The following HHLA1 variants were observed in gnomAD, a reference collection of about 807,000 sequenced individuals.
HHLA1 encodes HERV-H LTR-associating protein 1.
Under a neutral mutation model 69.9 loss-of-function variants are expected in HHLA1, and 72 were observed. The observed-to-expected ratio is 1.03, with a 90% CI of 0.85 to 1.25. HHLA1 has a LOEUF of 1.25. Among genes scored for constraint, HHLA1 ranks in the 50% most tolerant of loss-of-function variants. The pLI is 0.00. For missense variants in HHLA1, 685 were observed against 642.2 expected (o/e 1.07, Z -0.72); for synonymous variants, 252 against 233.2 (o/e 1.08, Z -0.73).
At chr8:132,070,725 T>C (rs894252990) in intron 15 of HHLA1, among the ~76,000 whole-genome samples, 2 of 149,186 alleles carry the variant, frequency 1.3e-5, no homozygotes, top group African/African-American at 5.0e-5. Flanking sequence ...ACTCACCTCA[T>C]CTCAACTCAA....
At chr8:132,079,237 C>A (rs1000623878) in intron 11 of HHLA1, among the ~76,000 whole-genome samples, 2 of 152,226 alleles carry the variant, frequency 1.3e-5, no homozygotes, top group Admixed American at 6.5e-5. Context: ...TTAACATATT[C>A]TTGGCATCAT....
chr8:132,070,521 C>A, intron 15 of HHLA1: 1 of 620,230 alleles, frequency 1.6e-6, no homozygotes, highest in Non-Finnish European at 2.9e-6. Context: ...CACAAGTTAA[C>A]TTAACTCAAC....
intron 7 of HHLA1, among the ~76,000 whole-genome samples, chr8:132,092,800 C>T (rs1232299536): frequency 6.6e-6 from 1 of 152,194 alleles, no homozygotes; most frequent in Non-Finnish European, 1.5e-5. Context: ...GACTAATACA[C>T]TTTCCAAATC....
At chr8:132,071,278 G>A in intron 15 of HHLA1, 62 bp downstream of exon 15, 1 of 1,455,122 alleles carries the variant, frequency 6.9e-7, no homozygotes, top group Non-Finnish European at 9.3e-7. Context: ...CTGCAGAAAA[G>A]CCACACGGAA....
intron 15 of HHLA1, among the ~76,000 whole-genome samples, chr8:132,070,987 T>G (rs1823529920): frequency 6.6e-6 from 1 of 151,876 alleles, no homozygotes; most frequent in South Asian, 2.1e-4. Flanking sequence ...ACAGCTTAAG[T>G]CATCTCAACT....
At chr8:132,083,884 AG>A (rs1165906648) in intron 10 of HHLA1, among the ~76,000 whole-genome samples, 38 of 152,148 alleles carry the variant, frequency 2.5e-4, no homozygotes, top group Admixed American at 2.5e-3. Context: ...GTGGGGTTTG[AG>A]GGCCGGAATT....
At chr8:132,071,639 T>C in intron 14 of HHLA1, 146 bp from the exon 15 acceptor site, 1 of 704,838 alleles carries the variant, frequency 1.4e-6, no homozygotes, top group Non-Finnish European at 2.3e-6. Context: ...TTCCTCACCA[T>C]TACCCAATAA....
intron 10 of HHLA1, among the ~76,000 whole-genome samples, chr8:132,083,838 T>C (rs1230129262): frequency 6.6e-6 from 1 of 152,180 alleles, no homozygotes; most frequent in East Asian, 1.9e-4. Flanking sequence ...TTTCTATTAT[T>C]GTACACCTTG....
At position 132,063,936 on chromosome 8, in the gene HHLA1, C is replaced by G. The variant is rs1823393094; in HGVS notation, c.*59G>C. ...AATGTAGCCCACTTGGGACAAGAGC[C>G]AGGGTGGATGGCGTATCCCCTGAAG... On this transcript the variant is annotated 3_prime_UTR_variant, in exon 17 of 17. Coordinates refer to ENST00000414222, the MANE Select transcript of HHLA1 (RefSeq NM_001145095.3). 1.0e-6 allele frequency: 1 copy of G among 953,080 alleles called. No homozygotes were observed. Among genetic ancestry groups the G allele is most frequent in the African/African-American group, 1.7e-5 (1 of 58,886 alleles). 59.0% of individuals were successfully genotyped at this position (953,080 alleles called of 1,614,324 possible).
chr8:132,073,411 A>T (rs1409074798), intron 14 of HHLA1, among the ~76,000 whole-genome samples: 1 of 152,200 alleles, frequency 6.6e-6, no homozygotes, highest in African/African-American at 2.4e-5. Flanking sequence ...AATTTCCATC[A>T]ATGTGCCCAT....
intron 14 of HHLA1, among the ~76,000 whole-genome samples, chr8:132,074,115 C>A (rs16904584): frequency 0.088 from 13,411 of 152,254 alleles, 1,131 homozygotes; most frequent in African/African-American, 0.21. Flanking sequence ...ACACTACCCT[C>A]ACTTTCAGCA....
In HHLA1 at chr8:132,077,912, T is replaced by G. The variant is rs1267528638; in HGVS notation, c.985A>C (p.Ile329Leu). The change falls in exon 12 of 17, where the codon ATA (isoleucine) becomes CTA (leucine). Residue 329 changes from isoleucine (I) to leucine (L), a missense_variant. Coordinates refer to ENST00000414222, the MANE Select transcript of HHLA1 (RefSeq NM_001145095.3). ...LTADRQTWAS[I>L]SSVPWAQTIS... The stretch of plus-strand genomic sequence containing the variant: ...GTCTGAGCCCAGGGCACGGACGATA[T>G]GGAAGCCCACGTCTGTCTGTCAGCT... 6.4e-7 allele frequency: 1 copy of G among 1,551,564 alleles called. No individual in the cohort carries two copies. Among genetic ancestry groups the G allele is most frequent in the South Asian group, 1.2e-5 (1 of 84,062 alleles).
chr8:132,085,399 G>A (rs958236401), intron 10 of HHLA1: 57 of 367,866 alleles, frequency 1.5e-4, no homozygotes, highest in African/African-American at 6.2e-4. Flanking sequence ...AAAAGAGGCC[G>A]CTTACCGGAT....
In HHLA1 at chr8:132,094,777, G is replaced by T. The variant is rs189691361; in HGVS notation, c.448+742C>A. Among the ~76,000 whole-genome samples, 518 of 152,268 alleles carry T rather than the reference G, an allele frequency of 3.4e-3. 2 individuals carry two copies. The highest frequency in any genetic ancestry group is 0.012 in the African/African-American group (500 of 41,548). On this transcript the variant is annotated intron_variant, in intron 7 of 16. Transcript: ENST00000414222. The stretch of plus-strand genomic sequence containing the variant: ...CCCGCTAGGAATCTATGTCCCACGG[G>T]AGCAGGAGGTGTGTTCACTTTGCTC...
chr8:132,085,453 C>T, intron 10 of HHLA1: 1 of 395,350 alleles, frequency 2.5e-6, no homozygotes, highest in Non-Finnish European at 5.1e-6. Context: ...GTCTGAGGAC[C>T]TGAGGTCGTA....
intron 10 of HHLA1, among the ~76,000 whole-genome samples, chr8:132,087,034 T>G (rs1474927191): frequency 6.6e-6 from 1 of 152,180 alleles, no homozygotes; most frequent in Non-Finnish European, 1.5e-5. Context: ...TGGAGTAACG[T>G]AGAGTCCAAA....
At chr8:132,080,057 G>C in intron 10 of HHLA1, 91 bp from the exon 11 acceptor site, 1 of 1,453,344 alleles carries the variant, frequency 6.9e-7, no homozygotes. Flanking sequence ...ATATATGAAT[G>C]TGGAGATTCA....
chr8:132,082,210 C>G (rs914239077), intron 10 of HHLA1, among the ~76,000 whole-genome samples: 2 of 152,056 alleles, frequency 1.3e-5, no homozygotes, highest in African/African-American at 4.8e-5. Flanking sequence ...TATGCATCAG[C>G]TATGAGGAAG....
At chr8:132,091,157 T>C (rs775548612) in intron 7 of HHLA1, among the ~76,000 whole-genome samples, 8 of 152,244 alleles carry the variant, frequency 5.3e-5, no homozygotes, top group Non-Finnish European at 5.9e-5. Context: ...CTAATAAATA[T>C]TCATCGAGCA....
Sources: allele counts gnomAD v4.1 joint callset (sites outside exome capture counted in the v4.1 genomes callset), GRCh38; gene constraint gnomAD v4.1.1; transcripts MANE v1.5; gene names NCBI Gene and HGNC (gene_info 2026-07-23, HGNC 2026-07-21).